Variants in NRXN3 observed in about 807,000 individuals in gnomAD.
NRXN3 encodes the protein neurexin 3, also known as neurexin III.
In NRXN3, 32 loss-of-function variants were observed where a neutral mutation model predicts 137.6. The observed-to-expected ratio is 0.23, with a 90% CI of 0.18 to 0.31. The LOEUF is 0.31. Ranked by LOEUF, NRXN3 falls within the 10% of genes least tolerant of loss-of-function variation. NRXN3 has a pLI of 1.00. For synonymous variants in NRXN3, 798 were observed against 784.5 expected (o/e 1.02, Z -0.29); for missense variants, 1,574 against 2,062.5 (o/e 0.76, Z 4.59).
At chr14:78,325,998 G>A (rs1474562160) in intron 4 of NRXN3, among the ~76,000 whole-genome samples, 5 of 152,148 alleles carry the variant, frequency 3.3e-5, no homozygotes, top group South Asian at 2.1e-4. Context: ...TGAAAGCCCC[G>A]TCTTCCAGAA....
At chr14:79,650,453 A>C (rs1193312918) in intron 16 of NRXN3, among the ~76,000 whole-genome samples, 1 of 152,078 alleles carries the variant, frequency 6.6e-6, no homozygotes, top group African/African-American at 2.4e-5. Context: ...AATCTCCATC[A>C]TCACCCAACA....
intron 3 of NRXN3, among the ~76,000 whole-genome samples, chr14:78,292,462 G>A (rs1018302399): frequency 6.6e-6 from 1 of 152,134 alleles, no homozygotes; most frequent in Non-Finnish European, 1.5e-5. Flanking sequence ...CAAGAAGGGT[G>A]GAATATATTA....
chr14:79,525,225 G>C (rs952006461), intron 16 of NRXN3, among the ~76,000 whole-genome samples: 3 of 152,136 alleles, frequency 2.0e-5, no homozygotes, highest in African/African-American at 7.2e-5. Context: ...TCATTTTGGG[G>C]TATTGTTTAC....
chr14:78,842,281 G>A (rs2099014675), intron 10 of NRXN3, among the ~76,000 whole-genome samples: 1 of 152,094 alleles, frequency 6.6e-6, no homozygotes, highest in Non-Finnish European at 1.5e-5. Context: ...GCAGGTCTGA[G>A]AAATAAAGGG....
intron 10 of NRXN3, among the ~76,000 whole-genome samples, chr14:78,946,672 A>T (rs1175784976): frequency 6.6e-6 from 1 of 152,136 alleles, no homozygotes; most frequent in Non-Finnish European, 1.5e-5. Flanking sequence ...CTCAGGGTGC[A>T]TGGAGGAGGC....
At chr14:79,279,091 T>TA (rs1253180185) in intron 15 of NRXN3, among the ~76,000 whole-genome samples, 4 of 152,118 alleles carry the variant, frequency 2.6e-5, no homozygotes, top group Non-Finnish European at 5.9e-5. Flanking sequence ...GCACGGGTGA[T>TA]AAAGAAGGCG....
intron 10 of NRXN3, among the ~76,000 whole-genome samples, chr14:78,847,113 C>T (rs994422077): frequency 2.0e-5 from 3 of 152,106 alleles, no homozygotes; most frequent in African/African-American, 7.2e-5. Flanking sequence ...GCAGCTCTTA[C>T]CTCTACCTGA....
At chr14:78,989,671 T>C (rs2099514548) in intron 15 of NRXN3, among the ~76,000 whole-genome samples, 1 of 152,208 alleles carries the variant, frequency 6.6e-6, no homozygotes, top group East Asian at 1.9e-4. Context: ...TGAGGAATTA[T>C]ACTATATGCT....
At chr14:78,933,556 T>G (rs891736032) in intron 10 of NRXN3, among the ~76,000 whole-genome samples, 1 of 152,242 alleles carries the variant, frequency 6.6e-6, no homozygotes, top group South Asian at 2.1e-4. Context: ...GTTTTTTAAT[T>G]GACTTATAAA....
chr14:78,553,836 T>C (rs1261147650), intron 4 of NRXN3, among the ~76,000 whole-genome samples: 1 of 152,232 alleles, frequency 6.6e-6, no homozygotes. Context: ...CCTGTGTTAG[T>C]TGTGCCTACA....
chr14:79,564,821 T>C (rs1197802019), intron 16 of NRXN3, among the ~76,000 whole-genome samples: 2 of 152,160 alleles, frequency 1.3e-5, no homozygotes, highest in Admixed American at 1.3e-4. Context: ...TGGTAAGGAC[T>C]ATTGAGAAAA....
At chr14:79,131,179 A>G (rs1444140038) in intron 15 of NRXN3, among the ~76,000 whole-genome samples, 9 of 152,196 alleles carry the variant, frequency 5.9e-5, no homozygotes, top group Non-Finnish European at 1.0e-4. Context: ...CTCTCAGCTC[A>G]TCAAAGTCAT....
intron 4 of NRXN3, among the ~76,000 whole-genome samples, chr14:78,372,592 G>T (rs1054695424): frequency 6.6e-6 from 1 of 152,148 alleles, no homozygotes; most frequent in African/African-American, 2.4e-5. Context: ...TTCCCAAAGT[G>T]CTAGGATTAC....
chr14:79,734,659 G>T (rs2098935806), intron 19 of NRXN3, among the ~76,000 whole-genome samples: 1 of 151,920 alleles, frequency 6.6e-6, no homozygotes, highest in South Asian at 2.1e-4. Flanking sequence ...CAAATATACT[G>T]ATGATGATTA....
In NRXN3 at chr14:78,561,283, T is replaced by C. The variant is rs1274652797; in HGVS notation, c.758-83837T>C. On this transcript the variant is annotated intron_variant, in intron 4 of 20. Coordinates refer to ENST00000335750, the MANE Select transcript of NRXN3 (RefSeq NM_001330195.2). Reference sequence around the variant, plus strand: ...ATGATCATGCTTACCTATAACTTTGTAGAGAACTGTAATTTTTCTGTCTTC... The same window carrying C: ...ATGATCATGCTTACCTATAACTTTGCAGAGAACTGTAATTTTTCTGTCTTC... Among the ~76,000 whole-genome samples, 6 of 152,326 alleles carry C rather than the reference T, an allele frequency of 3.9e-5. No homozygotes were observed. In the East Asian group the frequency reaches 1.2e-3, roughly 29 times the overall value.
chr14:79,145,339 G>A (rs577069664), intron 15 of NRXN3, among the ~76,000 whole-genome samples: 2 of 152,086 alleles, frequency 1.3e-5, no homozygotes, highest in Admixed American at 6.5e-5. Flanking sequence ...CATTTTTATT[G>A]GAAGACTTCA....
chr14:79,472,706 C>A (rs1416325629), intron 16 of NRXN3, among the ~76,000 whole-genome samples: 4 of 152,090 alleles, frequency 2.6e-5, no homozygotes, highest in Non-Finnish European at 5.9e-5. Flanking sequence ...GCTGCTATCG[C>A]TTGCGAGTGA....
chr14:79,428,180 T>A (rs1326674646), intron 15 of NRXN3, among the ~76,000 whole-genome samples: 1 of 152,234 alleles, frequency 6.6e-6, no homozygotes, highest in Non-Finnish European at 1.5e-5. Context: ...CTAACCTTGA[T>A]TAAAGTCTGA....
chr14:79,692,810 A>G (rs563351908), intron 18 of NRXN3, among the ~76,000 whole-genome samples: 1 of 152,184 alleles, frequency 6.6e-6, no homozygotes, highest in African/African-American at 2.4e-5. Context: ...AATGAAAAAG[A>G]TGAATTTTGC....
Sources: allele counts gnomAD v4.1 joint callset (sites outside exome capture counted in the v4.1 genomes callset), GRCh38; gene constraint gnomAD v4.1.1; transcripts MANE v1.5; gene names NCBI Gene and HGNC (gene_info 2026-07-23, HGNC 2026-07-21).